The following RBPJ variants were observed in gnomAD, a reference collection of about 807,000 sequenced individuals.
RBPJ encodes the protein recombination signal binding protein for immunoglobulin kappa J region.
RBPJ carries 9 observed loss-of-function variants against 67.8 expected under a neutral mutation model. The observed-to-expected ratio is 0.13, with a 90% confidence interval of 0.08 to 0.23. The LOEUF is 0.23. RBPJ is among the 10% of genes least tolerant of loss of function. The pLI is 1.00. For missense variants in RBPJ, 305 were observed against 595.6 expected (o/e 0.51, Z 5.08); for synonymous variants, 198 against 203.3 (o/e 0.97, Z 0.22).
At chr4:26,215,970 A>G (rs1718711791) in intron 1 of RBPJ, among the ~76,000 whole-genome samples, 1 of 152,150 alleles carries the variant, frequency 6.6e-6, no homozygotes, top group African/African-American at 2.4e-5. Context: ...ACTCTGTCAG[A>G]GTTCTGGAGA....
At chr4:26,283,626 C>T (rs1721356504) in intron 1 of RBPJ, among the ~76,000 whole-genome samples, 1 of 151,394 alleles carries the variant, frequency 6.6e-6, no homozygotes, top group Admixed American at 6.6e-5. Context: ...TCTCTTCTTT[C>T]CTGCTGAATA....
chr4:26,387,787 T>C lies in RBPJ; in HGVS notation c.59+1396T>C, dbSNP rs900243730. On this transcript the variant is annotated intron_variant, in intron 2 of 10. Coordinates refer to ENST00000355476, the MANE Select transcript of RBPJ (RefSeq NM_015874.6). Reference sequence around the variant, plus strand: ...AGAGGAAACAATTTCTAAAGTTCACTTAGGGCTATGAATTGTGCCTGTTAA... The same window carrying C: ...AGAGGAAACAATTTCTAAAGTTCACCTAGGGCTATGAATTGTGCCTGTTAA... 1.1e-4 allele frequency among the ~76,000 whole-genome samples: 16 copies of C among 152,356 alleles called. No homozygotes were observed. In the East Asian group the frequency reaches 3.1e-3, roughly 29 times the overall value.
intron 1 of RBPJ, among the ~76,000 whole-genome samples, chr4:26,311,989 C>A (rs1722443894): frequency 6.6e-6 from 1 of 152,110 alleles, no homozygotes; most frequent in South Asian, 2.1e-4. Context: ...TCTCTGAGCA[C>A]CCTGTTATAA....
intron 1 of RBPJ, among the ~76,000 whole-genome samples, chr4:26,299,380 A>T (rs1560250942): frequency 6.6e-6 from 1 of 151,984 alleles, no homozygotes; most frequent in Non-Finnish European, 1.5e-5. Context: ...GTAGCCACTG[A>T]TATGGTAGCT....
the RBPJ span, among the ~76,000 whole-genome samples, chr4:26,129,391 C>T: frequency 3.3e-5 from 5 of 152,168 alleles, no homozygotes; most frequent in Non-Finnish European, 7.3e-5. Flanking sequence ...TGTTGTACAT[C>T]TATTTCATAT....
the RBPJ span, among the ~76,000 whole-genome samples, chr4:26,118,353 C>T: frequency 6.6e-6 from 1 of 152,186 alleles, no homozygotes; most frequent in African/African-American, 2.4e-5. Context: ...GTTCATCCTA[C>T]AGCATTAATC....
At chr4:26,109,354 C>T in the RBPJ span, among the ~76,000 whole-genome samples, 8 of 147,996 alleles carry the variant, frequency 5.4e-5, no homozygotes, top group Admixed American at 2.1e-4. Context: ...GATCCACCTG[C>T]CTCGGCTGCC....
chr4:26,304,068 C>T (rs552622824), intron 1 of RBPJ, among the ~76,000 whole-genome samples: 11 of 152,194 alleles, frequency 7.2e-5, no homozygotes, highest in Non-Finnish European at 1.5e-4. Flanking sequence ...CATTAATCTG[C>T]TGTCTCTATA....
the RBPJ span, among the ~76,000 whole-genome samples, chr4:26,152,304 C>T: frequency 1.3e-5 from 2 of 152,156 alleles, no homozygotes; most frequent in African/African-American, 2.4e-5. Context: ...TCATCCACCA[C>T]GTAGACTGGC....
intron 1 of RBPJ, among the ~76,000 whole-genome samples, chr4:26,281,272 T>TTTTG (rs998888313): frequency 6.6e-6 from 1 of 152,136 alleles, no homozygotes; most frequent in Non-Finnish European, 1.5e-5. Flanking sequence ...TCTGCAGTTT[T>TTTTG]TTTGTTTGTT....
At chr4:26,250,400 C>T (rs1720071852) in intron 1 of RBPJ, among the ~76,000 whole-genome samples, 2 of 143,298 alleles carry the variant, frequency 1.4e-5, no homozygotes, top group Non-Finnish European at 3.0e-5. Context: ...AGCGTGGTCT[C>T]GGCTTACTGT....
the RBPJ span, among the ~76,000 whole-genome samples, chr4:26,109,729 CTATA>C: frequency 3.8e-4 from 25 of 66,062 alleles, no homozygotes; most frequent in African/African-American, 1.3e-3. Context: ...CTCTCTCTCT[CTATA>C]TATATATATA....
Position 26,386,317 on chromosome 4 carries a change from TACTTA to T in RBPJ, c.21-31_21-27del, listed in dbSNP as rs765511721. 10 of 1,500,606 alleles carry T rather than the reference TACTTA, an allele frequency of 6.7e-6. No individual in the cohort carries two copies. The South Asian group carries it at 9.6e-5, about 14-fold the overall frequency. The allele number at this position is 1,500,606 out of a possible 1,614,324, so 93.0% of individuals were successfully genotyped here. A position where few individuals can be genotyped will look rare whatever the true frequency, so the allele number is the denominator to read the frequency against. ...TTTCTGTAGAGTGTATCATAAAGCT[TACTTA>T]ACTTTATTTTCTTTATTTTTTTTTT... On this transcript the variant is annotated intron_variant, in intron 1 of 10. Transcript: ENST00000355476.
At chr4:26,263,797 C>G (rs1720619038) in intron 1 of RBPJ, among the ~76,000 whole-genome samples, 1 of 151,782 alleles carries the variant, frequency 6.6e-6, no homozygotes, top group African/African-American at 2.4e-5. Context: ...GTCTCGAACT[C>G]CTGACCTCGT....
At chr4:26,408,928 C>T (rs528798990) in intron 3 of RBPJ, among the ~76,000 whole-genome samples, 29 of 152,330 alleles carry the variant, frequency 1.9e-4, no homozygotes, top group African/African-American at 6.5e-4. Flanking sequence ...TTAACTTTGC[C>T]TAGGACTAAC....
chr4:26,223,180 CT>C, intron 1 of RBPJ, among the ~76,000 whole-genome samples: 1 of 150,572 alleles, frequency 6.6e-6, no homozygotes, highest in South Asian at 2.1e-4. Context: ...AAGAATTATA[CT>C]TTAATTAATG....
chr4:26,362,568 A>G (rs573357341), intron 1 of RBPJ: 1 of 1,612,352 alleles, frequency 6.2e-7, no homozygotes, highest in South Asian at 1.1e-5. Flanking sequence ...GGTGCATCGA[A>G]GTGTTCCAAG....
chr4:26,389,353 A>C (rs573661328), intron 2 of RBPJ, among the ~76,000 whole-genome samples: 5 of 151,848 alleles, frequency 3.3e-5, no homozygotes, highest in African/African-American at 7.2e-5. Context: ...ACAGAGGAAC[A>C]AAGAGAGGAT....
chr4:26,308,966 C>T (rs1327720858), intron 1 of RBPJ, among the ~76,000 whole-genome samples: 1 of 151,992 alleles, frequency 6.6e-6, no homozygotes, highest in Non-Finnish European at 1.5e-5. Flanking sequence ...AACAAATATG[C>T]CAACCAAAAT....
Sources: gnomAD v4.1 joint callset for allele counts (sites outside exome capture counted in the v4.1 genomes callset) on GRCh38, gnomAD v4.1.1 for gene constraint, MANE v1.5 for transcripts, NCBI Gene and HGNC (gene_info 2026-07-23, HGNC 2026-07-21) for gene names.